The following SLIT3 variants were observed in gnomAD, a reference collection of about 807,000 sequenced individuals.
SLIT3 encodes the protein slit homolog 3 protein.
Under a neutral mutation model 184.0 loss-of-function variants are expected in SLIT3, and 68 were observed. The ratio of observed to expected loss-of-function variants is 0.37; its 90% confidence interval spans 0.30 to 0.45. The LOEUF (loss-of-function observed/expected upper bound fraction) is 0.45. Among genes scored for constraint, SLIT3 ranks in the 20% least tolerant of loss-of-function variants. SLIT3 has a pLI of 1.00. For missense variants in SLIT3, 1,707 were observed against 2,026.0 expected, an observed-to-expected ratio of 0.84 and a Z score of 3.02; for synonymous variants, 831 against 828.6, an observed-to-expected ratio of 1.00 and a Z score of -0.05.
At chr5:168,902,946 G>A (rs1400004262) in intron 4 of SLIT3, among the ~76,000 whole-genome samples, 4 of 152,126 alleles carry the variant, frequency 2.6e-5, no homozygotes, top group Admixed American at 2.6e-4. Flanking sequence ...GGAGGTGATG[G>A]GCAGATGGGA....
rs143902327 is a variant in SLIT3 at position 169,168,562 on chromosome 5, G to A, written c.413+24917C>T. Among the ~76,000 whole-genome samples the A allele has an allele frequency of 3.9e-5, 6 of 152,276 alleles. No individual in the cohort carries two copies. In the East Asian group the frequency reaches 7.7e-4, roughly 20 times the overall value. ...CAGCATCTCATTTAATCTTTACAAC[G>A]GCTCTATGATTTAGGTGTCACTAAA... On this transcript the variant is annotated intron_variant, in intron 4 of 35. Coordinates refer to ENST00000519560, the MANE Select transcript of SLIT3 (RefSeq NM_003062.4).
chr5:169,177,777 T>C (rs1343627295), intron 4 of SLIT3, among the ~76,000 whole-genome samples: 1 of 152,232 alleles, frequency 6.6e-6, no homozygotes, highest in Admixed American at 6.5e-5. Context: ...TTGTCTTCCC[T>C]AGAACTGCTG....
At chr5:169,250,950 A>G (rs1185797463) in intron 2 of SLIT3, among the ~76,000 whole-genome samples, 2 of 152,198 alleles carry the variant, frequency 1.3e-5, no homozygotes, top group African/African-American at 2.4e-5. Flanking sequence ...GTGTTCAGCA[A>G]GGGCCCTGAC....
intron 5 of SLIT3, among the ~76,000 whole-genome samples, chr5:168,867,525 T>C (rs1358014879): frequency 6.6e-6 from 1 of 152,176 alleles, no homozygotes; most frequent in Non-Finnish European, 1.5e-5. Context: ...TTTGAAGAAG[T>C]AGGGCAAAGT....
intron 4 of SLIT3, among the ~76,000 whole-genome samples, chr5:169,104,347 C>T (rs1489069728): frequency 1.3e-5 from 2 of 152,182 alleles, no homozygotes; most frequent in African/African-American, 4.8e-5. Context: ...CGCAGAACTC[C>T]AGGGCAGAGG....
At chr5:169,277,225 TTC>T (rs772494794) in intron 1 of SLIT3, among the ~76,000 whole-genome samples, 19 of 152,176 alleles carry the variant, frequency 1.2e-4, no homozygotes, top group Middle Eastern at 3.2e-3. Flanking sequence ...TTTCTTTTCT[TTC>T]TTTTTTCTTT....
At chr5:168,885,387 G>T (rs1760154621) in intron 4 of SLIT3, among the ~76,000 whole-genome samples, 1 of 152,226 alleles carries the variant, frequency 6.6e-6, no homozygotes, top group African/African-American at 2.4e-5. Flanking sequence ...CCAGCCTGGA[G>T]TCGGGGCGCT....
rs770844647 is a variant in SLIT3, at chr5:168,753,035, C to T, written c.1893G>A (p.Val631=). 2 of 1,614,100 alleles carry T rather than the reference C, an allele frequency of 1.2e-6. No individual in the cohort carries two copies. Among genetic ancestry groups the T allele is most frequent in the Admixed American group, 1.7e-5 (1 of 60,022 alleles). ...SNDTFAGLSS[V]RLLSLYDNRI... is the part of the protein sequence containing the mutation. ...GATTGTCATAGAGGGACAGCAGTCT[C>T]ACCGAACTCAGGCCGGCAAAGGTGT... Residue 631 remains valine (V), a synonymous_variant, in exon 18 of 36, where the codon GTG becomes GTA. Coordinates refer to ENST00000519560, the MANE Select transcript of SLIT3 (RefSeq NM_003062.4).
chr5:169,108,376 G>T (rs1479023273), intron 4 of SLIT3, among the ~76,000 whole-genome samples: 5 of 152,208 alleles, frequency 3.3e-5, no homozygotes, highest in Non-Finnish European at 7.3e-5. Flanking sequence ...ATACTCCAAA[G>T]ACCACCAGCA....
intron 23 of SLIT3, among the ~76,000 whole-genome samples, chr5:168,714,592 A>C (rs1020595167): frequency 5.3e-5 from 8 of 152,138 alleles, no homozygotes; most frequent in Non-Finnish European, 4.4e-5. Flanking sequence ...ACAAACAAAC[A>C]AACAAAAAAA....
chr5:168,795,613 T>C, intron 9 of SLIT3, 35 bp from the exon 10 acceptor site: 4 of 1,557,840 alleles, frequency 2.6e-6, no homozygotes, highest in African/African-American at 1.4e-5. Context: ...GAATTAACCA[T>C]CCACCTGTCA....
chr5:169,260,135 T>TA (rs991746541), intron 1 of SLIT3, among the ~76,000 whole-genome samples: 29 of 151,462 alleles, frequency 1.9e-4, no homozygotes, highest in Non-Finnish European at 3.5e-4. Context: ...TGAGTAGTCT[T>TA]AAAAAAAATA....
At chr5:168,855,978 G>A (rs1309767461) in intron 5 of SLIT3, among the ~76,000 whole-genome samples, 6 of 152,000 alleles carry the variant, frequency 3.9e-5, no homozygotes, top group Admixed American at 2.0e-4. Flanking sequence ...GTGTGGTAGC[G>A]GGCACCTGTA....
At chr5:169,102,263 T>C (rs528253412) in intron 4 of SLIT3, among the ~76,000 whole-genome samples, 2 of 152,324 alleles carry the variant, frequency 1.3e-5, no homozygotes, top group South Asian at 2.1e-4. Context: ...CCCAGCCAAT[T>C]TGAGGCCACT....
chr5:169,214,559 G>C (rs549931558), intron 3 of SLIT3, among the ~76,000 whole-genome samples: 1 of 152,292 alleles, frequency 6.6e-6, no homozygotes, highest in East Asian at 1.9e-4. Flanking sequence ...TGTGTGAAAA[G>C]GTGGGTAGAG....
intron 3 of SLIT3, 95 bp downstream of exon 3, chr5:169,244,610 G>C: frequency 9.3e-7 from 1 of 1,073,630 alleles, no homozygotes; most frequent in Non-Finnish European, 1.4e-6. Flanking sequence ...TTTTTAACAA[G>C]GTTATAAGGC....
At chr5:169,195,050 G>C (rs994569374) in intron 3 of SLIT3, among the ~76,000 whole-genome samples, 1 of 152,088 alleles carries the variant, frequency 6.6e-6, no homozygotes, top group Non-Finnish European at 1.5e-5. Flanking sequence ...TTCATAGCCT[G>C]GATGAATTTT....
chr5:168,769,471 T>G (rs1258484863), intron 14 of SLIT3, among the ~76,000 whole-genome samples: 2 of 152,194 alleles, frequency 1.3e-5, no homozygotes, highest in Non-Finnish European at 2.9e-5. Flanking sequence ...GTGCATAGGT[T>G]GTCTGCCATG....
At chr5:168,968,460 C>A (rs1237359034) in intron 4 of SLIT3, among the ~76,000 whole-genome samples, 2 of 152,208 alleles carry the variant, frequency 1.3e-5, no homozygotes, top group Admixed American at 6.5e-5. Context: ...TGTCAACAGT[C>A]TCGCTGCCAA....
Sources: allele counts gnomAD v4.1 joint callset (sites outside exome capture counted in the v4.1 genomes callset), GRCh38; gene constraint gnomAD v4.1.1; transcripts MANE v1.5; gene names NCBI Gene and HGNC (gene_info 2026-07-23, HGNC 2026-07-21).